TPST1: variants seen among roughly 807,000 people sequenced by gnomAD.
TPST1 encodes tyrosylprotein sulfotransferase 1.
A neutral mutation model predicts 34.8 loss-of-function variants in TPST1; 20 were observed. The ratio of observed to expected loss-of-function variants is 0.57; its 90% CI spans 0.40 to 0.84. TPST1 has a LOEUF of 0.84. Among genes scored for constraint, TPST1 ranks in the 40% least tolerant of loss-of-function variants. The probability of loss-of-function intolerance (pLI) is 0.00; values close to 1 mark genes in which losing one functional copy is unlikely to be tolerated. For synonymous variants in TPST1, 152 were observed against 159.4 expected, an observed-to-expected ratio of 0.95 and a Z score of 0.35; for missense variants, 353 against 455.5, an observed-to-expected ratio of 0.78 and a Z score of 2.05.
rs1193855495 is a variant in TPST1 at position 66,358,329 on chromosome 7, T to TG, written c.*29+1458_*29+1459insG. Among the ~76,000 whole-genome samples, 4 of 147,988 alleles carry TG rather than the reference T, an allele frequency of 2.7e-5. No homozygotes were observed. The East Asian group carries it at 7.8e-4, about 29-fold the overall frequency. On this transcript the variant is annotated intron_variant, in intron 5 of 5. Coordinates refer to ENST00000304842, the MANE Select transcript of TPST1 (RefSeq NM_003596.4). ...TCATAGTTTACTTGCTGACCTTTGT[T>TG]TTTTTTTTTTATATAATGTTTTTAT... is the stretch of plus-strand genomic sequence containing the variant.
chr7:66,251,008 A>C (rs1790250713), intron 2 of TPST1, among the ~76,000 whole-genome samples: 1 of 152,346 alleles, frequency 6.6e-6, no homozygotes, highest in South Asian at 2.1e-4. Context: ...CATGCAATTT[A>C]AAACTTATGA....
chr7:66,292,956 C>G (rs1344761265), intron 3 of TPST1, among the ~76,000 whole-genome samples: 3 of 152,168 alleles, frequency 2.0e-5, no homozygotes, highest in Non-Finnish European at 1.5e-5. Flanking sequence ...CCTGTAATCC[C>G]AGCACTTTGG....
At chr7:66,200,028 C>T in the TPST1 span, among the ~76,000 whole-genome samples, 1 of 152,144 alleles carries the variant, frequency 6.6e-6, no homozygotes, top group African/African-American at 2.4e-5. Flanking sequence ...CTGCGCGGGG[C>T]CTGTGTCCTT....
At chr7:66,203,332 T>G (rs1789053556), upstream of TPST1, among the ~76,000 whole-genome samples, 1 of 150,590 alleles carries the variant, frequency 6.6e-6, no homozygotes, top group Admixed American at 6.6e-5. Flanking sequence ...CTAGAACTCC[T>G]GGGCTCACGG....
intron 2 of TPST1, among the ~76,000 whole-genome samples, chr7:66,281,559 A>G (rs1032266818): frequency 3.3e-5 from 5 of 152,218 alleles, no homozygotes; most frequent in Non-Finnish European, 5.9e-5. Flanking sequence ...TCTATTGTAT[A>G]TACATTTTAA....
rs201650075 is a variant in TPST1 at position 66,243,710 on chromosome 7, A to G, written c.845+2440A>G. On this transcript the variant is annotated intron_variant, in intron 2 of 5. Coordinates refer to ENST00000304842, the MANE Select transcript of TPST1 (RefSeq NM_003596.4). ...CAATCCATGTACCTCAGCCTCCCAG[A>G]GTACTGGGGTTACAGGTGTGAGCCA... 4.3e-4 allele frequency among the ~76,000 whole-genome samples: 65 copies of G among 149,902 alleles called. No homozygotes were observed. In the East Asian group the frequency reaches 9.4e-3, roughly 22 times the overall value.
chr7:66,280,771 T>C (rs7796162), intron 2 of TPST1, among the ~76,000 whole-genome samples: 101,252 of 152,074 alleles, frequency 0.67, 34,075 homozygotes, highest in African/African-American at 0.76. Flanking sequence ...TTTGATTGAT[T>C]TCTTGTTAGT....
chr7:66,330,382 A>G (rs1194544113), intron 3 of TPST1, among the ~76,000 whole-genome samples: 3 of 152,080 alleles, frequency 2.0e-5, no homozygotes, highest in Admixed American at 6.6e-5. Flanking sequence ...GAGGCTAAGA[A>G]TTTTCACATC....
At chr7:66,227,814 C>T (rs534399001) in intron 1 of TPST1, among the ~76,000 whole-genome samples, 5 of 151,868 alleles carry the variant, frequency 3.3e-5, no homozygotes, top group Non-Finnish European at 7.4e-5. Context: ...ATCAAGCACA[C>T]TTCACCCTCC....
the TPST1 span, among the ~76,000 whole-genome samples, chr7:66,199,917 G>A: frequency 7.2e-4 from 110 of 151,770 alleles, no homozygotes; most frequent in Non-Finnish European, 2.4e-4. Flanking sequence ...CACCATGCTG[G>A]CCAGAGGTTT....
chr7:66,334,865 C>T (rs1792064443), intron 3 of TPST1, among the ~76,000 whole-genome samples: 1 of 152,090 alleles, frequency 6.6e-6, no homozygotes, highest in Admixed American at 6.5e-5. Context: ...TGTATTCAGT[C>T]TCCTCACTGG....
intron 3 of TPST1, among the ~76,000 whole-genome samples, chr7:66,338,867 A>G (rs1792174753): frequency 6.6e-6 from 1 of 152,186 alleles, no homozygotes. Context: ...GACTTCAAAT[A>G]ACCTAACGAT....
chr7:66,263,834 G>A (rs79706765), intron 2 of TPST1, among the ~76,000 whole-genome samples: 2,497 of 152,178 alleles, frequency 0.016, 71 homozygotes, highest in African/African-American at 0.054. Context: ...CCATAAGAGC[G>A]ACAGAAGAAC....
chr7:66,239,121 A>G (rs1406283354), intron 1 of TPST1, among the ~76,000 whole-genome samples: 9 of 152,222 alleles, frequency 5.9e-5, no homozygotes, highest in Admixed American at 4.6e-4. Context: ...GCTTTTGCAC[A>G]CAAGTTCCTT....
chr7:66,256,052 T>G (rs1184569777), intron 2 of TPST1, among the ~76,000 whole-genome samples: 1 of 152,248 alleles, frequency 6.6e-6, no homozygotes, highest in Non-Finnish European at 1.5e-5. Flanking sequence ...AAGACTGTGC[T>G]TATACCAACT....
chr7:66,320,351 C>T (rs1483609248), intron 3 of TPST1, among the ~76,000 whole-genome samples: 4 of 150,364 alleles, frequency 2.7e-5, no homozygotes, highest in South Asian at 2.1e-4. Flanking sequence ...GGGTTCACTC[C>T]ATTCTCCTGC....
rs1039317190 is a variant in TPST1 at position 66,314,314 on chromosome 7, C to T, written c.1044+27605C>T. The stretch of plus-strand genomic sequence containing the variant: ...CTTTGGGAGGCAGAGGCAGGAGGAT[C>T]GCTTAAGCCCAGGAACTCAAGACCA... On this transcript the variant is annotated intron_variant, in intron 3 of 5. Coordinates refer to ENST00000304842, the MANE Select transcript of TPST1 (RefSeq NM_003596.4). Among the ~76,000 whole-genome samples, 8 of 152,268 alleles carry T rather than the reference C, an allele frequency of 5.3e-5. No homozygotes were observed. The South Asian group carries it at 8.3e-4, about 16-fold the overall frequency.
At chr7:66,230,399 G>T (rs918002551) in intron 1 of TPST1, among the ~76,000 whole-genome samples, 14 of 152,244 alleles carry the variant, frequency 9.2e-5, no homozygotes, top group African/African-American at 3.4e-4. Flanking sequence ...GACCCTCGCG[G>T]TGAGCGTTAA....
intron 3 of TPST1, among the ~76,000 whole-genome samples, chr7:66,300,143 A>T (rs182370660): frequency 2.6e-5 from 4 of 152,224 alleles, no homozygotes; most frequent in African/African-American, 2.4e-5. Flanking sequence ...TCTTACCTCC[A>T]TGTTGATGAC....
Sources: gnomAD v4.1 joint callset for allele counts (sites outside exome capture counted in the v4.1 genomes callset) on GRCh38, gnomAD v4.1.1 for gene constraint, MANE v1.5 for transcripts, NCBI Gene and HGNC (gene_info 2026-07-23, HGNC 2026-07-21) for gene names.